Variants in SCN4A observed in about 807,000 individuals in gnomAD.
SCN4A encodes the protein sodium channel protein type 4 subunit alpha.
In SCN4A, 83 loss-of-function variants were observed where a neutral mutation model predicts 162.0. That is an observed-to-expected ratio of 0.51 (90% CI 0.43 to 0.61). The LOEUF (loss-of-function observed/expected upper bound fraction) is 0.61. Ranked by LOEUF, SCN4A falls within the 20% of genes least tolerant of loss-of-function variation. SCN4A has a pLI of 0.00. For missense variants in SCN4A, 2,196 were observed against 2,462.5 expected, an observed-to-expected ratio of 0.89 and a Z score of 2.29; for synonymous variants, 944 against 985.1, an observed-to-expected ratio of 0.96 and a Z score of 0.78.
intron 16 of SCN4A, 133 bp downstream of exon 16, chr17:63,948,478 G>A: frequency 2.7e-6 from 2 of 735,070 alleles, no homozygotes; most frequent in Non-Finnish European, 4.3e-6. Context: ...GGCACAGCGA[G>A]TTCCTTTAGG....
chr17:63,970,836 G>A (rs777398828), intron 5 of SCN4A, among the ~76,000 whole-genome samples: 6 of 152,094 alleles, frequency 3.9e-5, no homozygotes, highest in Non-Finnish European at 7.4e-5. Flanking sequence ...GTTTTGTCTT[G>A]TTGGCCAGGC....
rs1432980740 is a variant in SCN4A, at chr17:63,940,850, CTGATGG to C, written c.5426_5431del (p.Pro1809_Ser1811delinsArg). 8 of 1,612,682 alleles carry C rather than the reference CTGATGG, an allele frequency of 5.0e-6. No homozygotes were observed. The South Asian group carries it at 6.6e-5, about 13-fold the overall frequency. On this transcript the variant is annotated inframe_deletion, in exon 24 of 24. Coordinates refer to ENST00000435607, the MANE Select transcript of SCN4A (RefSeq NM_000334.4). ...GGGAGGCCAGGCAGTGTCTGAGGGG[CTGATGG>C]GCATCAGCCCCATAGTGGGTCCGGC...
Position 63,948,156 on chromosome 17 carries a change from G to A in SCN4A, c.3145-93C>T. On this transcript the variant is annotated intron_variant, in intron 16 of 23. Coordinates refer to ENST00000435607, the MANE Select transcript of SCN4A (RefSeq NM_000334.4). Reference sequence around the variant, plus strand: ...CCTGCTCTATGCTGCTGGTTCCCGGGGGTCTGCCGTGGGGGCCCAGCCCAA... The same window carrying A: ...CCTGCTCTATGCTGCTGGTTCCCGGAGGTCTGCCGTGGGGGCCCAGCCCAA... 1.9e-5 allele frequency: 20 copies of A among 1,074,368 alleles called. No individual in the cohort carries two copies. The South Asian group carries it at 3.2e-4, about 17-fold the overall frequency. The allele number at this position is 1,074,368 out of a possible 1,614,324, so 66.6% of individuals were successfully genotyped here.
chr17:63,949,397 A>T lies in SCN4A; in HGVS notation c.2985T>A (p.Thr995=). Residue 995 remains threonine (T), a synonymous_variant, in exon 15 of 24, where the codon ACT becomes ACA. Coordinates refer to ENST00000435607, the MANE Select transcript of SCN4A (RefSeq NM_000334.4). ...PEGEQPEECF[T]EACVQRWPCL... is the part of the protein sequence containing the mutation. ...TGAGGTGAGGGGTGCCCTCACCCTC[A>T]GTGAAGCACTCCTCAGGCTGCTCCC... 1 of 1,576,524 alleles carries T rather than the reference A, an allele frequency of 6.3e-7. No individual in the cohort carries two copies. Among genetic ancestry groups the T allele is most frequent in the Non-Finnish European group, 8.6e-7 (1 of 1,160,382 alleles).
In SCN4A at chr17:63,940,285, T is replaced by G; in HGVS notation, c.*486A>C. Reference sequence around the variant, plus strand: ...GGGGTGGGCTGGCAGTGCCCTGGGGTTAGGTGTCTGCACTCCCTGAGGTTA... The same window carrying G: ...GGGGTGGGCTGGCAGTGCCCTGGGGGTAGGTGTCTGCACTCCCTGAGGTTA... On this transcript the variant is annotated 3_prime_UTR_variant, in exon 24 of 24. Transcript: ENST00000435607. The G allele has an allele frequency of 6.4e-6, 1 of 155,710 alleles. No homozygotes were observed. The highest frequency in any genetic ancestry group is 2.4e-5 in the African/African-American group (1 of 41,578). 9.6% of individuals were successfully genotyped at this position (155,710 alleles called of 1,614,324 possible). A position where few individuals can be genotyped will look rare whatever the true frequency, so the allele number is the denominator to read the frequency against.
chr17:63,956,123 C>T (rs1347863250), intron 13 of SCN4A, among the ~76,000 whole-genome samples: 1 of 152,272 alleles, frequency 6.6e-6, no homozygotes, highest in African/African-American at 2.4e-5. Flanking sequence ...TATACCCTGG[C>T]TCTCACCTCC....
Position 63,972,336 on chromosome 17 carries a change from A to T in SCN4A, c.392+16T>A. On this transcript the variant is annotated intron_variant, in intron 2 of 23. Transcript: ENST00000435607. This position sits in a 1 kb window ranked among gnomAD's most constrained non-coding sequence, Gnocchi z 4.3. ...ATCCCTAACCCCTCCCGCCTCTCCC[A>T]TCTTGGGCAGGATATGCATGGATGA... The T allele has an allele frequency of 6.2e-7, 1 of 1,611,204 alleles. No homozygotes were observed. The highest frequency in any genetic ancestry group is 1.7e-5 in the Admixed American group (1 of 59,866).
At position 63,964,555 on chromosome 17, in the gene SCN4A, C is replaced by T; in HGVS notation, c.1365G>A (p.Glu455=). The change falls in exon 9 of 24, where the codon GAG becomes GAA. Residue 455 remains glutamate (E), a synonymous_variant. Transcript: ENST00000435607. ...VVAMAYAEQN[E]ATLAEDKEKE... is the part of the protein sequence containing the mutation. ...TCTCCTTATCCTCGGCCAGGGTGGC[C>T]TCATTCTGCTCGGCATATGCCATGG... The T allele has an allele frequency of 6.2e-7, 1 of 1,614,076 alleles. No individual in the cohort carries two copies. The highest frequency in any genetic ancestry group is 8.5e-7 in the Non-Finnish European group (1 of 1,179,904).
At chr17:63,952,571 C>T (rs1481751068) in intron 13 of SCN4A, among the ~76,000 whole-genome samples, 6 of 152,286 alleles carry the variant, frequency 3.9e-5, no homozygotes, top group East Asian at 3.9e-4. Context: ...TTCTTCTCCA[C>T]CTCTGTTAAG....
At chr17:63,966,275 TG>T in intron 7 of SCN4A, 32 bp from the exon 8 acceptor site, 1 of 1,585,732 alleles carries the variant, frequency 6.3e-7, no homozygotes, top group Non-Finnish European at 8.6e-7. Context: ...GGGTTTAGGG[TG>T]GGAGGAGCAC....
chr17:63,972,042 C>T lies in SCN4A; in HGVS notation c.482+94G>A. ...TGAGGGTCACAATGACAGTGTGTCTCCCTGAAAGACAAGAGCAGCACCACA... is the reference window on the plus strand; with the variant it reads ...TGAGGGTCACAATGACAGTGTGTCTTCCTGAAAGACAAGAGCAGCACCACA... On this transcript the variant is annotated intron_variant, in intron 3 of 23. Coordinates refer to ENST00000435607, the MANE Select transcript of SCN4A (RefSeq NM_000334.4). The surrounding 1 kb of genome is among the most constrained non-coding windows in gnomAD (Gnocchi z 4.3). The T allele has an allele frequency of 1.8e-6, 2 of 1,121,474 alleles. No individual in the cohort carries two copies. The highest frequency in any genetic ancestry group is 3.1e-5 in the African/African-American group (2 of 65,172). The allele number at this position is 1,121,474 out of a possible 1,614,324, so 69.5% of individuals were successfully genotyped here.
At chr17:63,947,850 C>A in intron 17 of SCN4A, 40 bp downstream of exon 17, 2 of 1,605,250 alleles carry the variant, frequency 1.2e-6, no homozygotes, top group Middle Eastern at 1.9e-4. Flanking sequence ...ACACTGACAG[C>A]CTCTGGATGT....
At chr17:63,965,979 T>G in intron 8 of SCN4A, 123 bp downstream of exon 8, 10 of 690,904 alleles carry the variant, frequency 1.4e-5, no homozygotes, top group African/African-American at 1.8e-5. Flanking sequence ...CGGGAGTCCA[T>G]GAGGAGATGG....
In SCN4A at chr17:63,940,591, T is replaced by C; in HGVS notation, c.*180A>G. On this transcript the variant is annotated 3_prime_UTR_variant, in exon 24 of 24. Transcript: ENST00000435607. The stretch of plus-strand genomic sequence containing the variant: ...TGAGCGCAATTCCCATTTCCCATGG[T>C]CTGGGAACGCAGGCGCTCGGGCCTG... 1 of 630,780 alleles carries C rather than the reference T, an allele frequency of 1.6e-6. No individual in the cohort carries two copies. Among genetic ancestry groups the C allele is most frequent in the Non-Finnish European group, 2.5e-6 (1 of 394,250 alleles). The allele number at this position is 630,780 out of a possible 1,614,324, so 39.1% of individuals were successfully genotyped here.
At chr17:63,958,002 TAAAAAA>T (rs60393540) in intron 12 of SCN4A, among the ~76,000 whole-genome samples, 18 of 55,200 alleles carry the variant, frequency 3.3e-4, no homozygotes, top group Admixed American at 2.2e-3. Context: ...AAAACTCCAC[TAAAAAA>T]AAAAAAAAAA....
chr17:63,957,349 A>T lies in SCN4A; in HGVS notation c.2189T>A (p.Val730Glu), dbSNP rs757237074. ...GTTGCAGTCCAAGGCAATCTTGCAC[A>T]CGCACTCCTTGTAGCTCTTGCCAAA... Reference protein sequence around the residue: ...QLFGKSYKECVCKIALDCNLP... With the variant: ...QLFGKSYKECECKIALDCNLP... The change falls in exon 13 of 24, where the codon GTG becomes GAG. Residue 730 changes from valine to glutamate, a missense_variant. Coordinates refer to ENST00000435607, the MANE Select transcript of SCN4A (RefSeq NM_000334.4). 6.2e-7 allele frequency: 1 copy of T among 1,614,092 alleles called. No homozygotes were observed. Among genetic ancestry groups the T allele is most frequent in the South Asian group, 1.1e-5 (1 of 91,084 alleles).
At chr17:63,956,562 G>T (rs1480713109) in intron 13 of SCN4A, among the ~76,000 whole-genome samples, 1 of 152,238 alleles carries the variant, frequency 6.6e-6, no homozygotes, top group African/African-American at 2.4e-5. Flanking sequence ...CTGGACCATA[G>T]GCCCTGGAGC....
Position 63,957,342 on chromosome 17 carries a change from C to T in SCN4A, c.2196G>A (p.Lys732=). The T allele has an allele frequency of 6.2e-7, 1 of 1,614,154 alleles. No individual in the cohort carries two copies. The change falls in exon 13 of 24, where the codon AAG becomes AAA. Residue 732 remains lysine, a synonymous_variant. Transcript: ENST00000435607. The part of the protein sequence containing the change: ...FGKSYKECVC[K]IALDCNLPRW... ...GCGGCAGGTTGCAGTCCAAGGCAAT[C>T]TTGCACACGCACTCCTTGTAGCTCT...
intron 13 of SCN4A, among the ~76,000 whole-genome samples, chr17:63,955,410 G>T (rs572545094): frequency 6.6e-6 from 1 of 152,310 alleles, no homozygotes; most frequent in East Asian, 1.9e-4. Context: ...CACGTGGCCA[G>T]GCACTTTGGT....
Sources: allele counts gnomAD v4.1 joint callset (sites outside exome capture counted in the v4.1 genomes callset), GRCh38; gene constraint gnomAD v4.1.1; non-coding constraint Gnocchi (gnomAD v3.1); transcripts MANE v1.5; gene names NCBI Gene and HGNC (gene_info 2026-07-23, HGNC 2026-07-21).